RPRD2: variants seen among roughly 807,000 people sequenced by gnomAD.
RPRD2 encodes regulation of nuclear pre-mRNA domain containing 2.
Under a neutral mutation model 104.4 loss-of-function variants are expected in RPRD2, and 12 were observed. The observed-to-expected ratio is 0.11, with a 90% CI of 0.07 to 0.19. RPRD2 has a LOEUF of 0.19. Among genes scored for constraint, RPRD2 ranks in the 10% least tolerant of loss-of-function variants. The pLI is 1.00. For synonymous variants in RPRD2, 714 were observed against 684.9 expected (o/e 1.04, Z -0.66); for missense variants, 1,543 against 1,790.1 (o/e 0.86, Z 2.49).
intron 10 of RPRD2, among the ~76,000 whole-genome samples, chr1:150,466,081 C>T (rs1553899907): frequency 6.9e-6 from 1 of 144,824 alleles, no homozygotes; most frequent in African/African-American, 2.6e-5. Context: ...GTCTCTACAA[C>T]GGAATTAAAA....
chr1:150,393,304 C>T (rs587681940), intron 1 of RPRD2, among the ~76,000 whole-genome samples: 1 of 151,626 alleles, frequency 6.6e-6, no homozygotes. Context: ...ATCGCATCTA[C>T]AGAAACATTA....
At chr1:150,396,655 T>C (rs1173153914) in intron 1 of RPRD2, among the ~76,000 whole-genome samples, 2 of 152,144 alleles carry the variant, frequency 1.3e-5, no homozygotes, top group African/African-American at 4.8e-5. Context: ...CAAAGATCAG[T>C]TGGTACCACC....
At chr1:150,423,978 G>A (rs1262018270) in intron 2 of RPRD2, among the ~76,000 whole-genome samples, 1 of 151,890 alleles carries the variant, frequency 6.6e-6, no homozygotes, top group African/African-American at 2.4e-5. Flanking sequence ...TTTCAGTAGA[G>A]ACGGGGTTTC....
At chr1:150,388,682 T>TTGGCTCAC (rs1219709867) in intron 1 of RPRD2, among the ~76,000 whole-genome samples, 2 of 150,516 alleles carry the variant, frequency 1.3e-5, no homozygotes, top group Non-Finnish European at 3.0e-5. Context: ...TGGCGCGATC[T>TTGGCTCAC]TGCAACCTCC....
chr1:150,381,392 A>C (rs1446797848), intron 1 of RPRD2, among the ~76,000 whole-genome samples: 2 of 152,130 alleles, frequency 1.3e-5, no homozygotes, highest in Non-Finnish European at 2.9e-5. Flanking sequence ...ACTGCACTCC[A>C]GCCTGGAAAA....
intron 2 of RPRD2, among the ~76,000 whole-genome samples, chr1:150,424,565 C>G (rs1402348423): frequency 6.6e-6 from 1 of 152,142 alleles, no homozygotes; most frequent in East Asian, 1.9e-4. Flanking sequence ...GGATTACAGG[C>G]ATGAGCTACC....
chr1:150,468,084 C>A (rs897988953), intron 10 of RPRD2, among the ~76,000 whole-genome samples: 2 of 152,086 alleles, frequency 1.3e-5, no homozygotes, highest in African/African-American at 4.8e-5. Context: ...ATCGCTTGAA[C>A]CCGGAAGGCA....
intron 1 of RPRD2, among the ~76,000 whole-genome samples, chr1:150,395,365 T>TTTGTGTG (rs782263204): frequency 3.5e-5 from 5 of 144,076 alleles, no homozygotes; most frequent in Admixed American, 1.4e-4. Context: ...TAGTATTCCA[T>TTTGTGTG]TGTGTGTGTG....
intron 7 of RPRD2, among the ~76,000 whole-genome samples, chr1:150,449,065 G>C (rs1423725064): frequency 6.6e-6 from 1 of 152,176 alleles, no homozygotes; most frequent in African/African-American, 2.4e-5. Flanking sequence ...AGGAGTTCAA[G>C]ATTAGCCTGG....
intron 1 of RPRD2, among the ~76,000 whole-genome samples, chr1:150,403,422 T>C (rs114465315): frequency 0.02 from 3,066 of 152,144 alleles, 131 homozygotes; most frequent in African/African-American, 0.071. Flanking sequence ...AAACAATAAC[T>C]CTCCATTCCC....
intron 1 of RPRD2, among the ~76,000 whole-genome samples, chr1:150,403,756 C>A (rs1553885928): frequency 6.6e-6 from 1 of 151,990 alleles, no homozygotes; most frequent in Admixed American, 6.6e-5. Context: ...TCAAGCAATT[C>A]TCATGCCTCA....
rs369152525 is a variant in RPRD2 at position 150,473,141 on chromosome 1, C to G, written c.4193C>G (p.Pro1398Arg). 2.7e-5 allele frequency: 43 copies of G among 1,613,866 alleles called. No homozygotes were observed. Among genetic ancestry groups the G allele is most frequent in the Admixed American group, 1.3e-4 (8 of 60,010 alleles). ...GGCAGCAACAGCAGCAGTGGCCCCC[C>G]CTTGGGTCCCTCACACAGAGACACC... ...GGGSNSSSGP[P>R]LGPSHRDTIS... The change falls in exon 11 of 11, where the codon CCC becomes CGC. Residue 1398 changes from proline (P) to arginine (R), a missense_variant. Coordinates refer to ENST00000369068, the MANE Select transcript of RPRD2 (RefSeq NM_015203.5).
At chr1:150,437,827 G>A (rs587727131) in intron 2 of RPRD2, among the ~76,000 whole-genome samples, 52 of 151,994 alleles carry the variant, frequency 3.4e-4, no homozygotes, top group East Asian at 1.4e-3. Context: ...TGATCCGCCA[G>A]CTTCAGCCTT....
chr1:150,407,208 T>C (rs1663550475), intron 1 of RPRD2, among the ~76,000 whole-genome samples: 1 of 152,200 alleles, frequency 6.6e-6, no homozygotes, highest in Non-Finnish European at 1.5e-5. Flanking sequence ...AACAAGAACA[T>C]CTCATCAGAG....
chr1:150,421,357 A>T (rs1664743561), intron 2 of RPRD2, among the ~76,000 whole-genome samples: 1 of 152,238 alleles, frequency 6.6e-6, no homozygotes, highest in Non-Finnish European at 1.5e-5. Flanking sequence ...TTTAAAGGAT[A>T]TTAAAGAAGA....
rs1659707567 is a variant in RPRD2 at position 150,364,807 on chromosome 1, C to G, written c.93C>G (p.Phe31Leu). The G allele has an allele frequency of 6.2e-7, 1 of 1,613,730 alleles. No homozygotes were observed. Among genetic ancestry groups the G allele is most frequent in the African/African-American group, 1.3e-5 (1 of 74,922 alleles). ...TGGAGTCCTCGTTGGATCGAAAATTCCAGTCGGTAACCAACACCATGGAGT... is the reference window on the plus strand; with the variant it reads ...TGGAGTCCTCGTTGGATCGAAAATTGCAGTCGGTAACCAACACCATGGAGT... ...GALESSLDRK[F>L]QSVTNTMESI... Residue 31 changes from phenylalanine to leucine, a missense_variant, in exon 1 of 11, where the codon TTC becomes TTG. Physicochemically the swap from Phe to Leu is conservative, Grantham distance 22. Around this residue, in one of 4 missense-constraint regions of RPRD2, gnomAD observed 88 missense variants for 96.6 expected, o/e 0.91. Coordinates refer to ENST00000369068, the MANE Select transcript of RPRD2 (RefSeq NM_015203.5).
Position 150,364,599 on chromosome 1 carries a change from T to C in RPRD2, c.-116T>C. On this transcript the variant is annotated 5_prime_UTR_variant, in exon 1 of 11. Transcript: ENST00000369068. ...CAGCGCGTGCACCATCCCCACCCCC[T>C]AGCTTCCCTCCCCACCTACGGCTTT... The C allele has an allele frequency of 1.7e-6, 1 of 588,962 alleles. No homozygotes were observed. Among genetic ancestry groups the C allele is most frequent in the Non-Finnish European group, 3.0e-6 (1 of 336,060 alleles). The allele number at this position is 588,962 out of a possible 1,614,324, so 36.5% of individuals were successfully genotyped here.
chr1:150,428,123 A>G (rs1665288580), intron 2 of RPRD2, among the ~76,000 whole-genome samples: 1 of 152,076 alleles, frequency 6.6e-6, no homozygotes, highest in African/African-American at 2.4e-5. Context: ...ATGAATGGGA[A>G]TTATGTTAGG....
chr1:150,401,041 T>C (rs1197376350), intron 1 of RPRD2, among the ~76,000 whole-genome samples: 1 of 151,646 alleles, frequency 6.6e-6, no homozygotes, highest in Non-Finnish European at 1.5e-5. Flanking sequence ...CCGGGTGTGG[T>C]GGCGGGCACC....
Sources: allele counts gnomAD v4.1 joint callset (sites outside exome capture counted in the v4.1 genomes callset), GRCh38; gene constraint gnomAD v4.1.1; regional missense constraint gnomAD v4.1.1; transcripts MANE v1.5; gene names NCBI Gene and HGNC (gene_info 2026-07-23, HGNC 2026-07-21).